AGPAT4: variants seen among roughly 807,000 people sequenced by gnomAD.
AGPAT4 encodes 1-acylglycerol-3-phosphate O-acyltransferase 4.
AGPAT4 carries 15 observed loss-of-function variants against 48.0 expected under a neutral mutation model. The ratio of observed to expected loss-of-function variants is 0.31; its 90% CI spans 0.21 to 0.48. The LOEUF is 0.48. AGPAT4 is among the 20% of genes least tolerant of loss of function. The pLI, the probability that AGPAT4 is intolerant of heterozygous loss-of-function variation, is 0.99. For synonymous variants in AGPAT4, 178 were observed against 198.7 expected (o/e 0.90, Z 0.88); for missense variants, 314 against 482.5 (o/e 0.65, Z 3.27).
intron 1 of AGPAT4, among the ~76,000 whole-genome samples, chr6:161,265,968 C>T (rs1173503791): frequency 4.6e-5 from 7 of 152,174 alleles, no homozygotes; most frequent in Non-Finnish European, 1.0e-4. Flanking sequence ...GGTTAGGACC[C>T]TATTAGTCCT....
In AGPAT4 at chr6:161,234,063, C is replaced by T. The variant is rs1044723603; in HGVS notation, c.-89-1761G>A. Among the ~76,000 whole-genome samples, 6 of 152,140 alleles carry T rather than the reference C, an allele frequency of 3.9e-5. No individual in the cohort carries two copies. Among genetic ancestry groups the T allele is most frequent in the Non-Finnish European group, 8.8e-5 (6 of 68,026 alleles). On this transcript the variant is annotated intron_variant, in intron 1 of 8. Transcript: ENST00000320285. This position sits in a 1 kb window ranked among gnomAD's most constrained non-coding sequence, Gnocchi z 4.4. ...GGTGTTCTGCTCCTGAGATGTGAGGCGGGAGGTCTCTTGGGCTCACAACTC... is the reference window on the plus strand; with the variant it reads ...GGTGTTCTGCTCCTGAGATGTGAGGTGGGAGGTCTCTTGGGCTCACAACTC...
chr6:161,172,922 C>T (rs1780314470), intron 2 of AGPAT4, among the ~76,000 whole-genome samples: 2 of 151,902 alleles, frequency 1.3e-5, no homozygotes, highest in Admixed American at 1.3e-4. Flanking sequence ...CAATAGTTTG[C>T]TCAGAATGAT....
In AGPAT4 at chr6:161,149,993, A is replaced by G. The variant is rs746801875; in HGVS notation, c.665-704T>C. ...GATAAGAAAAATTATTCCAAAGGAAAGTAAGGATGTGTCTCAGTTACAGCA... is the reference window on the plus strand; with the variant it reads ...GATAAGAAAAATTATTCCAAAGGAAGGTAAGGATGTGTCTCAGTTACAGCA... On this transcript the variant is annotated intron_variant, in intron 5 of 8. Transcript: ENST00000320285. The surrounding 1 kb of genome is among the most constrained non-coding windows in gnomAD (Gnocchi z 6.5). Among the ~76,000 whole-genome samples, 35 of 152,246 alleles carry G rather than the reference A, an allele frequency of 2.3e-4. No homozygotes were observed. The highest frequency in any genetic ancestry group is 1.5e-4 in the Non-Finnish European group (10 of 68,048).
chr6:161,244,010 C>A lies in AGPAT4; in HGVS notation c.-89-11708G>T, dbSNP rs1782575726. Among the ~76,000 whole-genome samples, 1 of 152,184 alleles carries A rather than the reference C, an allele frequency of 6.6e-6. No homozygotes were observed. The highest frequency in any genetic ancestry group is 1.5e-5 in the Non-Finnish European group (1 of 68,044). The stretch of plus-strand genomic sequence containing the variant: ...CCTAATAACAAGTTAACTGTCAATT[C>A]CCTACATAAATCTCATTGAAGAAAT... On this transcript the variant is annotated intron_variant, in intron 1 of 8. Transcript: ENST00000320285. This position sits in a 1 kb window ranked among gnomAD's most constrained non-coding sequence, Gnocchi z 4.7.
At position 161,142,886 on chromosome 6, in the gene AGPAT4, G is replaced by T. The variant is rs761119927; in HGVS notation, c.844-3266C>A. ...AGGCTCCCTGCTGCCCTTCTAAGGA[G>T]CAATGCCCTTATGGTTTAAGTGAAA... is the stretch of plus-strand genomic sequence containing the variant. On this transcript the variant is annotated intron_variant, in intron 7 of 8. Coordinates refer to ENST00000320285, the MANE Select transcript of AGPAT4 (RefSeq NM_020133.3). The surrounding 1 kb of genome is among the most constrained non-coding windows in gnomAD (Gnocchi z 6.4). Among the ~76,000 whole-genome samples the T allele has an allele frequency of 6.6e-6, 1 of 152,170 alleles. No homozygotes were observed. The highest frequency in any genetic ancestry group is 1.5e-5 in the Non-Finnish European group (1 of 68,026).
chr6:161,238,161 C>A lies in AGPAT4; in HGVS notation c.-89-5859G>T, dbSNP rs1290382898. On this transcript the variant is annotated intron_variant, in intron 1 of 8. Transcript: ENST00000320285. This position sits in a 1 kb window ranked among gnomAD's most constrained non-coding sequence, Gnocchi z 5.2. Reference sequence around the variant, plus strand: ...GAGAGGGCACTGAGAGTCAGGCAGTCTGGCTACAAATCCAGGCCTGGCCAC... The same window carrying A: ...GAGAGGGCACTGAGAGTCAGGCAGTATGGCTACAAATCCAGGCCTGGCCAC... 6.6e-6 allele frequency among the ~76,000 whole-genome samples: 1 copy of A among 152,134 alleles called. No individual in the cohort carries two copies. The highest frequency in any genetic ancestry group is 1.5e-5 in the Non-Finnish European group (1 of 68,024).
At chr6:161,253,418 C>A (rs1782859512) in intron 1 of AGPAT4, among the ~76,000 whole-genome samples, 1 of 150,970 alleles carries the variant, frequency 6.6e-6, no homozygotes, top group Non-Finnish European at 1.5e-5. Context: ...CCATGCCCAG[C>A]TAATTTTTTG....
rs1783105153 is a variant in AGPAT4 at position 161,261,667 on chromosome 6, T to A, written c.-90+12271A>T. 6.6e-6 allele frequency among the ~76,000 whole-genome samples: 1 copy of A among 152,256 alleles called. No homozygotes were observed. The highest frequency in any genetic ancestry group is 2.1e-4 in the South Asian group (1 of 4,830). ...ATCATGTAGTGTTTGTAAGCTACAT[T>A]TGACATGGGACAAGTCAGTAATTGA... On this transcript the variant is annotated intron_variant, in intron 1 of 8. Transcript: ENST00000320285. The surrounding 1 kb of genome is among the most constrained non-coding windows in gnomAD (Gnocchi z 5.3).
chr6:161,199,986 A>G (rs1781181893), intron 2 of AGPAT4, among the ~76,000 whole-genome samples: 1 of 152,204 alleles, frequency 6.6e-6, no homozygotes, highest in Non-Finnish European at 1.5e-5. Context: ...TTGTTCCTTA[A>G]AAGGCTCCCA....
At chr6:161,230,781 A>G (rs149270313) in intron 2 of AGPAT4, among the ~76,000 whole-genome samples, 1 of 152,342 alleles carries the variant, frequency 6.6e-6, no homozygotes, top group East Asian at 1.9e-4. Context: ...TTATAACTCA[A>G]TCTTAGGATC....
intron 5 of AGPAT4, among the ~76,000 whole-genome samples, chr6:161,152,783 G>A (rs1343289841): frequency 2.0e-5 from 3 of 152,324 alleles, no homozygotes; most frequent in African/African-American, 7.2e-5. Flanking sequence ...CCAAGGGACT[G>A]TGAGGGCGTG....
chr6:161,253,768 G>A lies in AGPAT4; in HGVS notation c.-90+20170C>T, dbSNP rs188974426. Among the ~76,000 whole-genome samples, 457 of 152,154 alleles carry A rather than the reference G, an allele frequency of 3.0e-3. 3 individuals are homozygous for A. Among genetic ancestry groups the A allele is most frequent in the African/African-American group, 0.011 (439 of 41,510 alleles). ...TTATAATGTCTGAATCCTTTCGTGA[G>A]CTCCTTTCTACATTCAACACTGCGA... On this transcript the variant is annotated intron_variant, in intron 1 of 8. Coordinates refer to ENST00000320285, the MANE Select transcript of AGPAT4 (RefSeq NM_020133.3).
rs3798948 is a variant in AGPAT4, at chr6:161,266,398, G to A, written c.-90+7540C>T. On this transcript the variant is annotated intron_variant, in intron 1 of 8. Coordinates refer to ENST00000320285, the MANE Select transcript of AGPAT4 (RefSeq NM_020133.3). This position sits in a 1 kb window ranked among gnomAD's most constrained non-coding sequence, Gnocchi z 6.2. ...TACTCTGCTCTATGCTACAAACGAT[G>A]CGATCATACCTCCATGCCATGAATG... Among the ~76,000 whole-genome samples the A allele has an allele frequency of 0.049, 7,419 of 152,240 alleles. 302 individuals carry two copies. The highest frequency in any genetic ancestry group is 0.24 in the East Asian group (1,224 of 5,150).
At chr6:161,174,816 G>A (rs928570832) in intron 2 of AGPAT4, among the ~76,000 whole-genome samples, 3 of 152,106 alleles carry the variant, frequency 2.0e-5, no homozygotes, top group Non-Finnish European at 2.9e-5. Flanking sequence ...TTTGAGATAC[G>A]TCCCATCAAT....
At position 161,206,363 on chromosome 6, in the gene AGPAT4, C is replaced by G. The variant is rs1248509845; in HGVS notation, c.178+25673G>C. ...CCCTTTTCCTCAACACAATAAAGCA[C>G]TCCCTCCCCTCCCAGCCAGCACACC... On this transcript the variant is annotated intron_variant, in intron 2 of 8. Transcript: ENST00000320285. The surrounding 1 kb of genome is among the most constrained non-coding windows in gnomAD (Gnocchi z 4.8). Among the ~76,000 whole-genome samples, 3 of 152,000 alleles carry G rather than the reference C, an allele frequency of 2.0e-5. No homozygotes were observed. Among genetic ancestry groups the G allele is most frequent in the African/African-American group, 7.2e-5 (3 of 41,398 alleles).
rs1442691397 is a variant in AGPAT4, at chr6:161,216,276, C to A, written c.178+15760G>T. Among the ~76,000 whole-genome samples, 2 of 152,134 alleles carry A rather than the reference C, an allele frequency of 1.3e-5. No homozygotes were observed. Among genetic ancestry groups the A allele is most frequent in the African/African-American group, 4.8e-5 (2 of 41,442 alleles). On this transcript the variant is annotated intron_variant, in intron 2 of 8. Transcript: ENST00000320285. The surrounding 1 kb of genome is among the most constrained non-coding windows in gnomAD (Gnocchi z 4.8). Reference sequence around the variant, plus strand: ...AAGCAAAGGGTCAATGCTTTCAGGGCTCTCAGAGTAAAGCCATGAAACAGA... The same window carrying A: ...AAGCAAAGGGTCAATGCTTTCAGGGATCTCAGAGTAAAGCCATGAAACAGA...
chr6:161,258,405 T>C (rs2114745370), intron 1 of AGPAT4, among the ~76,000 whole-genome samples: 1 of 152,344 alleles, frequency 6.6e-6, no homozygotes, highest in South Asian at 2.1e-4. Flanking sequence ...TTTTGTTTTG[T>C]ACAAAGTTAT....
At chr6:161,179,052 T>TAACCATTGCCTGCTATTC (rs1456108317) in intron 2 of AGPAT4, among the ~76,000 whole-genome samples, 1 of 152,184 alleles carries the variant, frequency 6.6e-6, no homozygotes, top group South Asian at 2.1e-4. Flanking sequence ...GCTTGCTATT[T>TAACCATTGCCTGCTATTC]AACCATTGCC....
Position 161,161,548 on chromosome 6 carries a change from T to A in AGPAT4, c.348+4700A>T, listed in dbSNP as rs1389446916. Reference sequence around the variant, plus strand: ...ACTGGGTATCTGCCATAGGCTCAGGTGATGCCAGCAGTGAGCAGGGTGCAA... The same window carrying A: ...ACTGGGTATCTGCCATAGGCTCAGGAGATGCCAGCAGTGAGCAGGGTGCAA... On this transcript the variant is annotated intron_variant, in intron 3 of 8. Coordinates refer to ENST00000320285, the MANE Select transcript of AGPAT4 (RefSeq NM_020133.3). The surrounding 1 kb of genome is among the most constrained non-coding windows in gnomAD (Gnocchi z 4.6). 4.4e-6 allele frequency: 2 copies of A among 454,344 alleles called. No homozygotes were observed. The highest frequency in any genetic ancestry group is 8.9e-6 in the Non-Finnish European group (2 of 225,472). The allele number at this position is 454,344 out of a possible 1,614,324, so 28.1% of individuals were successfully genotyped here.
Sources: gnomAD v4.1 joint callset for allele counts (sites outside exome capture counted in the v4.1 genomes callset) on GRCh38, gnomAD v4.1.1 for gene constraint, Gnocchi (gnomAD v3.1) non-coding constraint, MANE v1.5 for transcripts, NCBI Gene and HGNC (gene_info 2026-07-23, HGNC 2026-07-21) for gene names.